Variants in LRRTM4 observed in about 807,000 individuals in gnomAD.
LRRTM4 encodes the protein leucine rich repeat transmembrane neuronal 4.
Under a neutral mutation model 47.6 loss-of-function variants are expected in LRRTM4, and 25 were observed. The observed-to-expected ratio is 0.53, with a 90% CI of 0.38 to 0.73. LRRTM4 has a LOEUF of 0.73. LRRTM4 is among the 30% of genes least tolerant of loss of function. The pLI is 0.00. For synonymous variants in LRRTM4, 311 were observed against 269.5 expected, an observed-to-expected ratio of 1.15 and a Z score of -1.51; for missense variants, 638 against 713.4, an observed-to-expected ratio of 0.89 and a Z score of 1.20.
intron 3 of LRRTM4, among the ~76,000 whole-genome samples, chr2:76,827,596 GAATGTGC>G (rs1187290163): frequency 1.3e-5 from 2 of 151,824 alleles, no homozygotes; most frequent in African/African-American, 4.8e-5. Flanking sequence ...CTGATTCTGA[GAATGTGC>G]AATTCAAATT....
At chr2:76,780,256 G>C (rs531795254) in intron 3 of LRRTM4, among the ~76,000 whole-genome samples, 3 of 152,064 alleles carry the variant, frequency 2.0e-5, no homozygotes, top group African/African-American at 7.2e-5. Context: ...TGCTCTTCTC[G>C]AGGAGTATCT....
At chr2:77,205,702 A>G (rs1573075204) in intron 3 of LRRTM4, among the ~76,000 whole-genome samples, 1 of 152,196 alleles carries the variant, frequency 6.6e-6, no homozygotes, top group South Asian at 2.1e-4. Context: ...AAATCCACGA[A>G]GTTTTCGAGC....
chr2:77,214,318 C>T (rs6547130), intron 3 of LRRTM4, among the ~76,000 whole-genome samples: 30,062 of 152,118 alleles, frequency 0.2, 5,697 homozygotes, highest in African/African-American at 0.49. Context: ...GTTAAGTCAT[C>T]TGGATTCTCT....
At chr2:77,191,589 A>G (rs979936770) in intron 3 of LRRTM4, among the ~76,000 whole-genome samples, 3 of 151,916 alleles carry the variant, frequency 2.0e-5, no homozygotes, top group African/African-American at 7.2e-5. Context: ...TATAAATATT[A>G]AAAAGATTAC....
At chr2:77,015,565 C>T (rs1181982996) in intron 3 of LRRTM4, among the ~76,000 whole-genome samples, 1 of 151,874 alleles carries the variant, frequency 6.6e-6, no homozygotes. Context: ...ACCTTGTGAT[C>T]CACCCGCCTT....
intron 3 of LRRTM4, among the ~76,000 whole-genome samples, chr2:77,009,956 C>T (rs1194562130): frequency 6.7e-6 from 1 of 150,118 alleles, no homozygotes; most frequent in Non-Finnish European, 1.5e-5. Flanking sequence ...AAAATTTCAT[C>T]AGGGCAGGAC....
chr2:77,276,605 GATT>G (rs1293689145), intron 3 of LRRTM4, among the ~76,000 whole-genome samples: 4 of 144,208 alleles, frequency 2.8e-5, no homozygotes, highest in Middle Eastern at 4.0e-3. Context: ...ATATTTGTTG[GATT>G]ATTTTTATAG....
intron 3 of LRRTM4, among the ~76,000 whole-genome samples, chr2:77,514,193 CTAAA>C (rs1339969712): frequency 6.6e-6 from 1 of 151,928 alleles, no homozygotes; most frequent in Non-Finnish European, 1.5e-5. Flanking sequence ...AGTCAGCCAC[CTAAA>C]TAAAGTTTGT....
chr2:77,166,822 C>G (rs900436370), intron 3 of LRRTM4, among the ~76,000 whole-genome samples: 1 of 152,128 alleles, frequency 6.6e-6, no homozygotes, highest in African/African-American at 2.4e-5. Context: ...GGATTAAAGA[C>G]TTAAATGTTA....
chr2:77,408,613 T>A (rs951193239), intron 3 of LRRTM4, among the ~76,000 whole-genome samples: 2 of 152,186 alleles, frequency 1.3e-5, no homozygotes, highest in Non-Finnish European at 2.9e-5. Flanking sequence ...GACTGCTATG[T>A]TCATCCACAT....
intron 3 of LRRTM4, among the ~76,000 whole-genome samples, chr2:76,897,821 C>G (rs918374911): frequency 1.2e-4 from 18 of 152,122 alleles, no homozygotes; most frequent in Admixed American, 1.2e-3. Context: ...TTTCCTTGAT[C>G]CCCATCTCCA....
chr2:77,253,600 A>G (rs1675681630), intron 3 of LRRTM4, among the ~76,000 whole-genome samples: 2 of 152,196 alleles, frequency 1.3e-5, no homozygotes. Flanking sequence ...AATGACAACT[A>G]ACAGATGCCA....
rs1283521143 is a variant in LRRTM4, at chr2:76,748,748, T to C, written c.1720A>G (p.Thr574Ala). Residue 574 changes from threonine (T) to alanine (A), a missense_variant, in exon 4 of 4, where the codon ACC (threonine) becomes GCC (alanine). Thr to Ala is a moderately conservative substitution (Grantham distance 58). Transcript: ENST00000409884. ...GCCGGTGCTGCCGACCTGGCGATGG[T>C]GGCGATGAAGCTGTGGTCTCGGCCC... is the stretch of plus-strand genomic sequence containing the variant. ...ELGRDHSFIATIARSAAPAIY... is the reference protein window; with the variant it reads ...ELGRDHSFIAAIARSAAPAIY... 2 of 1,613,596 alleles carry C rather than the reference T, an allele frequency of 1.2e-6. No homozygotes were observed. Among genetic ancestry groups the C allele is most frequent in the South Asian group, 1.1e-5 (1 of 91,048 alleles).
chr2:76,916,487 A>G (rs1047931283), intron 3 of LRRTM4, among the ~76,000 whole-genome samples: 15 of 152,058 alleles, frequency 9.9e-5, no homozygotes, highest in Admixed American at 2.0e-4. Context: ...TTTAAGTTAC[A>G]TAATTTTTAA....
chr2:77,250,193 C>A (rs1469031803), intron 3 of LRRTM4, among the ~76,000 whole-genome samples: 5 of 152,046 alleles, frequency 3.3e-5, no homozygotes, highest in Non-Finnish European at 7.4e-5. Context: ...TGGCAGTGCA[C>A]AGAAGATGTG....
At chr2:77,185,805 A>C (rs1673485144) in intron 3 of LRRTM4, among the ~76,000 whole-genome samples, 3 of 152,158 alleles carry the variant, frequency 2.0e-5, no homozygotes, top group African/African-American at 7.2e-5. Context: ...AAGGTCAAAC[A>C]GGCCTAGTTT....
At chr2:77,392,928 G>C (rs946038958) in intron 3 of LRRTM4, among the ~76,000 whole-genome samples, 5 of 151,892 alleles carry the variant, frequency 3.3e-5, no homozygotes, top group Non-Finnish European at 5.9e-5. Flanking sequence ...TAAATAGTTA[G>C]CTTTAGCCAT....
intron 3 of LRRTM4, among the ~76,000 whole-genome samples, chr2:76,940,254 G>A (rs561201816): frequency 3.3e-5 from 5 of 151,998 alleles, no homozygotes; most frequent in South Asian, 2.1e-4. Flanking sequence ...GTCCATCAGT[G>A]GTAGGATGGA....
At chr2:77,414,416 A>G (rs1180481255) in intron 3 of LRRTM4, among the ~76,000 whole-genome samples, 2 of 152,174 alleles carry the variant, frequency 1.3e-5, no homozygotes, top group African/African-American at 2.4e-5. Flanking sequence ...TGTGTCAATC[A>G]TCCTTCCCCT....
Sources: gnomAD v4.1 joint callset for allele counts (sites outside exome capture counted in the v4.1 genomes callset) on GRCh38, gnomAD v4.1.1 for gene constraint, MANE v1.5 for transcripts, NCBI Gene and HGNC (gene_info 2026-07-23, HGNC 2026-07-21) for gene names.